The following SLCO6A1 variants were observed in gnomAD, a reference collection of about 807,000 sequenced individuals.
SLCO6A1 encodes cancer/testis antigen 48.
SLCO6A1 carries 65 observed loss-of-function variants against 72.7 expected under a neutral mutation model. That is an observed-to-expected ratio of 0.89 (90% CI 0.73 to 1.10). The LOEUF is 1.10. Among genes scored for constraint, SLCO6A1 ranks in the 50% least tolerant of loss-of-function variants. The pLI is 0.00. For synonymous variants in SLCO6A1, 314 were observed against 298.2 expected, an observed-to-expected ratio of 1.05 and a Z score of -0.55; for missense variants, 874 against 872.6, an observed-to-expected ratio of 1.00 and a Z score of -0.02.
Position 102,391,490 on chromosome 5 carries a change from T to A in SLCO6A1, c.1815-445A>T, listed in dbSNP as rs77394512. On this transcript the variant is annotated intron_variant, in intron 10 of 13. Coordinates refer to ENST00000506729, the MANE Select transcript of SLCO6A1 (RefSeq NM_173488.5). ...TGGACTATATCAATGGGCTCTCTTG[T>A]CTTCTGGCTACTGATTGGGACACTT... 8.0e-3 allele frequency among the ~76,000 whole-genome samples: 1,224 copies of A among 152,252 alleles called. 11 individuals are homozygous for A. The highest frequency in any genetic ancestry group is 0.035 in the East Asian group (183 of 5,180).
intron 3 of SLCO6A1, among the ~76,000 whole-genome samples, 197 bp from the exon 4 acceptor site, chr5:102,475,990 A>G (rs1005213077): frequency 3.9e-5 from 6 of 152,160 alleles, no homozygotes; most frequent in African/African-American, 1.4e-4. Context: ...TGTTCTCAGA[A>G]GTGGGAACCA....
intron 7 of SLCO6A1, among the ~76,000 whole-genome samples, chr5:102,425,616 A>G (rs540001146): frequency 3.9e-5 from 6 of 152,226 alleles, no homozygotes; most frequent in Non-Finnish European, 1.5e-5. Context: ...CAAGGAAATA[A>G]GAGAGGACAG....
intron 6 of SLCO6A1, among the ~76,000 whole-genome samples, chr5:102,439,295 T>G (rs968577177): frequency 6.6e-6 from 1 of 152,028 alleles, no homozygotes; most frequent in Non-Finnish European, 1.5e-5. Flanking sequence ...TTGGTAAACT[T>G]GTGGAACTTA....
At chr5:102,441,962 T>C (rs1749859073) in intron 6 of SLCO6A1, among the ~76,000 whole-genome samples, 1 of 152,080 alleles carries the variant, frequency 6.6e-6, no homozygotes, top group African/African-American at 2.4e-5. Context: ...TTTCATACGT[T>C]CTTCTAGCTC....
At position 102,477,753 on chromosome 5, in the gene SLCO6A1, G is replaced by A. The variant is rs776770916; in HGVS notation, c.725C>T (p.Ala242Val). The A allele has an allele frequency of 1.9e-6, 3 of 1,613,678 alleles. No individual in the cohort carries two copies. The highest frequency in any genetic ancestry group is 1.7e-6 in the Non-Finnish European group (2 of 1,179,784). Residue 242 changes from alanine to valine, a missense_variant, in exon 3 of 14, where the codon GCA becomes GTA. Transcript: ENST00000506729. ...FILGQTVQGI[A>V]GMPLYILGIT... ...TCCAAGGATATAAAGAGGCATTCCT[G>A]CTATTCCCTGCACAGTCTGCCCAAG...
intron 9 of SLCO6A1, among the ~76,000 whole-genome samples, chr5:102,409,170 T>C (rs1462433385): frequency 6.6e-6 from 1 of 152,142 alleles, no homozygotes; most frequent in Non-Finnish European, 1.5e-5. Context: ...AGGAATATTA[T>C]CAATATCAAC....
chr5:102,415,990 T>C (rs1748262544), intron 8 of SLCO6A1, among the ~76,000 whole-genome samples: 1 of 151,948 alleles, frequency 6.6e-6, no homozygotes, highest in Admixed American at 6.6e-5. Context: ...CAAATGCAAA[T>C]CCAAACCATA....
chr5:102,375,964 A>G (rs1399456429), intron 12 of SLCO6A1, among the ~76,000 whole-genome samples: 2 of 152,286 alleles, frequency 1.3e-5, no homozygotes, highest in East Asian at 1.9e-4. Context: ...AAAAAAAGCA[A>G]TGATACACAG....
chr5:102,449,217 C>G (rs1005264770), intron 6 of SLCO6A1, among the ~76,000 whole-genome samples: 1 of 152,110 alleles, frequency 6.6e-6, no homozygotes, highest in Non-Finnish European at 1.5e-5. Flanking sequence ...TGTAGAGTTT[C>G]TGCTGACAGG....
In SLCO6A1 at chr5:102,494,992, G is replaced by A. The variant is rs139365014; in HGVS notation, c.358+3495C>T. ...GTAGTCAAAAAAATATAGAAACAACGCAAATGTCCATCAACTACTGAGTGG... is the reference window on the plus strand; with the variant it reads ...GTAGTCAAAAAAATATAGAAACAACACAAATGTCCATCAACTACTGAGTGG... On this transcript the variant is annotated intron_variant, in intron 1 of 13. Coordinates refer to ENST00000506729, the MANE Select transcript of SLCO6A1 (RefSeq NM_173488.5). Among the ~76,000 whole-genome samples, 627 of 152,126 alleles carry A rather than the reference G, an allele frequency of 4.1e-3. 10 individuals carry two copies. The highest frequency in any genetic ancestry group is 0.015 in the African/African-American group (604 of 41,508).
intron 12 of SLCO6A1, among the ~76,000 whole-genome samples, chr5:102,377,670 TATATAG>T (rs1202850698): frequency 6.6e-5 from 10 of 151,754 alleles, no homozygotes; most frequent in Non-Finnish European, 1.3e-4. Flanking sequence ...CATAGACATA[TATATAG>T]ATATAGATAG....
chr5:102,394,402 G>T (rs1330809914), intron 10 of SLCO6A1, among the ~76,000 whole-genome samples: 1 of 151,776 alleles, frequency 6.6e-6, no homozygotes. Flanking sequence ...AGGCACACTG[G>T]AGAAATTTGC....
rs901956478 is a variant in SLCO6A1 at position 102,458,484 on chromosome 5, T to C, written c.1029A>G (p.Thr343=). Residue 343 remains threonine, a synonymous_variant, in exon 6 of 14, where the codon ACA becomes ACG. Transcript: ENST00000506729. The part of the protein sequence containing the change: ...SCFPNNMPGS[T]RIKARKRKQL... ...GTTTACGTTTCCTAGCTTTTATCCG[T>C]GTTGAACCTATATATAAACAAGTAA... 16 of 1,609,766 alleles carry C rather than the reference T, an allele frequency of 9.9e-6. No homozygotes were observed. Among genetic ancestry groups the C allele is most frequent in the Non-Finnish European group, 1.4e-5 (16 of 1,178,148 alleles).
chr5:102,379,935 A>C (rs1159297735), intron 12 of SLCO6A1, among the ~76,000 whole-genome samples: 5 of 151,902 alleles, frequency 3.3e-5, no homozygotes. Flanking sequence ...TTGTCAGTGT[A>C]GACGTTTTGT....
At chr5:102,471,166 A>G (rs1294289239) in intron 4 of SLCO6A1, among the ~76,000 whole-genome samples, 1 of 152,026 alleles carries the variant, frequency 6.6e-6, no homozygotes, top group Non-Finnish European at 1.5e-5. Context: ...CATTAACAGG[A>G]TTGGTCATAC....
chr5:102,402,631 A>G (rs1448743339), intron 9 of SLCO6A1, among the ~76,000 whole-genome samples: 2 of 152,152 alleles, frequency 1.3e-5, no homozygotes, highest in Non-Finnish European at 2.9e-5. Context: ...CAAAATGGTA[A>G]GAGAACAGGA....
chr5:102,458,619 C>T, intron 5 of SLCO6A1, 128 bp from the exon 6 acceptor site: 2 of 606,752 alleles, frequency 3.3e-6, no homozygotes, highest in South Asian at 2.2e-5. Context: ...TTTGAACAAG[C>T]TAAACTCAAT....
rs1414521156 is a variant in SLCO6A1, at chr5:102,459,731, T to C, written c.946A>G (p.Ile316Val). Residue 316 changes from isoleucine (I) to valine (V), a missense_variant, in exon 5 of 14, where the codon ATT (isoleucine) becomes GTT (valine). Physicochemically the swap from Ile to Val is conservative, Grantham distance 29. Coordinates refer to ENST00000506729, the MANE Select transcript of SLCO6A1 (RefSeq NM_173488.5). The part of the protein sequence containing the change: ...GSPEWLWTWW[I>V]NFLFAAVVAW... The stretch of plus-strand genomic sequence containing the variant: ...ACGACAGCGGCAAAAAGAAAATTAA[T>C]CCACCAAGTCCATAGCCATTCTGGA... 2.5e-6 allele frequency: 4 copies of C among 1,609,798 alleles called. No homozygotes were observed. Among genetic ancestry groups the C allele is most frequent in the Non-Finnish European group, 2.5e-6 (3 of 1,178,344 alleles).
rs140224094 is a variant in SLCO6A1, at chr5:102,454,277, G to C, written c.1131+4105C>G. On this transcript the variant is annotated intron_variant, in intron 6 of 13. Transcript: ENST00000506729. ...CAAGACATGGAGGGTAGGGAGGAAA[G>C]AAAAGACAATGGATGCAGTCCCAAA... Among the ~76,000 whole-genome samples the C allele has an allele frequency of 8.2e-3, 1,244 of 152,278 alleles. 12 individuals carry two copies. The highest frequency in any genetic ancestry group is 0.015 in the Non-Finnish European group (1,012 of 68,018).
Sources: allele counts gnomAD v4.1 joint callset (sites outside exome capture counted in the v4.1 genomes callset), GRCh38; gene constraint gnomAD v4.1.1; transcripts MANE v1.5; gene names NCBI Gene and HGNC (gene_info 2026-07-23, HGNC 2026-07-21).